Variants in EXPH5 observed in about 807,000 individuals in gnomAD.
EXPH5 encodes the protein exophilin 5.
Under a neutral mutation model 41.1 loss-of-function variants are expected in EXPH5, and 42 were observed. The ratio of observed to expected loss-of-function variants is 1.02; its 90% CI spans 0.80 to 1.32. The LOEUF is 1.32. Ranked by LOEUF, EXPH5 falls within the 40% of genes most tolerant of loss-of-function variation. The pLI is 0.00. For missense variants in EXPH5, 2,298 were observed against 2,314.5 expected, an observed-to-expected ratio of 0.99 and a Z score of 0.15; for synonymous variants, 798 against 833.5, an observed-to-expected ratio of 0.96 and a Z score of 0.73.
rs1449508219 is a variant in EXPH5 at position 108,510,032 on chromosome 11, A to G, written c.5475T>C (p.Ser1825=). The change falls in exon 6 of 6, where the codon TCT becomes TCC. Residue 1825 remains serine, a synonymous_variant. Coordinates refer to ENST00000265843, the MANE Select transcript of EXPH5 (RefSeq NM_015065.3). ...TCAGTCGACTCAGGGCATTGTCAAT[A>G]GAAGTGCTTTCAGAAAAATGGCGCT... ...VRERHFSEST[S]IDNALSRLTL... 6.2e-7 allele frequency: 1 copy of G among 1,613,030 alleles called. No homozygotes were observed. Among genetic ancestry groups the G allele is most frequent in the Non-Finnish European group, 8.5e-7 (1 of 1,179,602 alleles).
chr11:108,508,201 CAA>C lies in EXPH5; in HGVS notation c.*1334_*1335del, dbSNP rs1436308043. The C allele has an allele frequency of 6.6e-6, 1 of 151,454 alleles. No individual in the cohort carries two copies. The highest frequency in any genetic ancestry group is 1.5e-5 in the Non-Finnish European group (1 of 68,248). The allele number at this position is 151,454 out of a possible 1,614,324, so 9.4% of individuals were successfully genotyped here. ...CCTCAAAACAAAAACAAAAACAAAACAAAACAAAAAAAGACTGGGCATGGTAG... is the reference window on the plus strand; with the variant it reads ...CCTCAAAACAAAAACAAAAACAAAACAACAAAAAAAGACTGGGCATGGTAG... On this transcript the variant is annotated 3_prime_UTR_variant, in exon 6 of 6. Transcript: ENST00000265843.
At chr11:108,569,986 C>T (rs1403325229) in intron 1 of EXPH5, among the ~76,000 whole-genome samples, 27 of 152,210 alleles carry the variant, frequency 1.8e-4, no homozygotes, top group Non-Finnish European at 4.4e-5. Flanking sequence ...AATTGCAGTG[C>T]TACTCCCAAT....
intron 1 of EXPH5, among the ~76,000 whole-genome samples, chr11:108,574,865 T>A (rs2094074659): frequency 6.6e-6 from 1 of 152,222 alleles, no homozygotes; most frequent in African/African-American, 2.4e-5. Context: ...CACTATTTCC[T>A]TTTTCTTTCT....
Position 108,541,488 on chromosome 11 carries a change from CT to C in EXPH5, c.280+163del, listed in dbSNP as rs547897353. Among the ~76,000 whole-genome samples, 624 of 148,492 alleles carry C rather than the reference CT, an allele frequency of 4.2e-3. 2 individuals are homozygous for C. Among genetic ancestry groups the C allele is most frequent in the African/African-American group, 0.012 (490 of 40,084 alleles). ...ATTATTACAGTAAAATTTCAGTTCA[CT>C]TTTTTTTTTTAGTGTATATTGTATT... On this transcript the variant is annotated intron_variant, in intron 2 of 5. Coordinates refer to ENST00000265843, the MANE Select transcript of EXPH5 (RefSeq NM_015065.3).
In EXPH5 at chr11:108,563,997, C is replaced by T. The variant is rs552496735; in HGVS notation, c.120-22185G>A. ...TGGCATTTAAAGGGATAGTAGGAGACGGCTGCACACGGTGGCTCATGCCTG... is the reference window on the plus strand; with the variant it reads ...TGGCATTTAAAGGGATAGTAGGAGATGGCTGCACACGGTGGCTCATGCCTG... On this transcript the variant is annotated intron_variant, in intron 1 of 5. Transcript: ENST00000265843. Among the ~76,000 whole-genome samples, 28 of 152,140 alleles carry T rather than the reference C, an allele frequency of 1.8e-4. No homozygotes were observed. The East Asian group carries it at 2.1e-3, about 12-fold the overall frequency.
chr11:108,553,931 A>G (rs2136063918), intron 1 of EXPH5, among the ~76,000 whole-genome samples: 1 of 152,322 alleles, frequency 6.6e-6, no homozygotes, highest in East Asian at 1.9e-4. Flanking sequence ...CGTTACACGT[A>G]TTAACTAATT....
intron 1 of EXPH5, among the ~76,000 whole-genome samples, chr11:108,553,481 G>C (rs945663990): frequency 6.6e-6 from 1 of 152,126 alleles, no homozygotes. Flanking sequence ...GAGCTCTTCT[G>C]TTTTCCTAGG....
At chr11:108,518,455 A>T (rs748793917) in intron 4 of EXPH5, 82 bp from the exon 5 acceptor site, 7 of 1,262,682 alleles carry the variant, frequency 5.5e-6, no homozygotes, top group Non-Finnish European at 7.8e-6. Flanking sequence ...AAACTGTCCC[A>T]AGCTTAAAAG....
intron 1 of EXPH5, among the ~76,000 whole-genome samples, chr11:108,578,022 T>C (rs12785479): frequency 0.11 from 16,283 of 152,258 alleles, 1,215 homozygotes; most frequent in African/African-American, 0.2. Context: ...TTCTTTGCTG[T>C]GGAGAAGCTT....
intron 1 of EXPH5, among the ~76,000 whole-genome samples, chr11:108,566,127 A>G (rs2846407): frequency 0.72 from 110,232 of 152,224 alleles, 41,659 homozygotes; most frequent in Non-Finnish European, 0.83. Context: ...ATATTAATAG[A>G]AAATCAAGAT....
At chr11:108,551,986 C>A (rs1283720581) in intron 1 of EXPH5, 1 of 152,100 alleles carries the variant, frequency 6.6e-6, no homozygotes, top group East Asian at 1.9e-4. Context: ...CAAGCAAGAG[C>A]CTTTTCCAAA....
chr11:108,533,376 C>G (rs2093856579), intron 3 of EXPH5, among the ~76,000 whole-genome samples: 1 of 151,880 alleles, frequency 6.6e-6, no homozygotes, highest in East Asian at 1.9e-4. Flanking sequence ...GCTAATTTTT[C>G]TAATTTTTAG....
chr11:108,512,325 G>A lies in EXPH5; in HGVS notation c.3182C>T (p.Ala1061Val). The change falls in exon 6 of 6, where the codon GCA becomes GTA. Residue 1061 changes from alanine (A) to valine (V), a missense_variant. By Grantham distance (64) the Ala-to-Val change is moderately conservative. Coordinates refer to ENST00000265843, the MANE Select transcript of EXPH5 (RefSeq NM_015065.3). Reference sequence around the variant, plus strand: ...TTTGTTTAACATATAGTTCCCCATTGCATCTTCCACATTATTTTTGATTTG... The same window carrying A: ...TTTGTTTAACATATAGTTCCCCATTACATCTTCCACATTATTTTTGATTTG... The part of the protein sequence containing the change: ...PFQIKNNVED[A>V]MGNYMLNKFS... 1 of 1,613,086 alleles carries A rather than the reference G, an allele frequency of 6.2e-7. No homozygotes were observed. Among genetic ancestry groups the A allele is most frequent in the Middle Eastern group, 1.7e-4 (1 of 6,050 alleles).
chr11:108,582,308 C>T (rs1029470459), intron 1 of EXPH5, among the ~76,000 whole-genome samples: 13 of 151,644 alleles, frequency 8.6e-5, no homozygotes, highest in Non-Finnish European at 1.5e-4. Context: ...ACTAAAAATA[C>T]AAAAAAGTTA....
intron 1 of EXPH5, among the ~76,000 whole-genome samples, chr11:108,561,780 G>A (rs1217262648): frequency 6.6e-6 from 1 of 152,224 alleles, no homozygotes; most frequent in African/African-American, 2.4e-5. Context: ...CACATAGCGA[G>A]AAGGTATTGA....
Position 108,514,522 on chromosome 11 carries a change from A to T in EXPH5, c.985T>A (p.Ser329Thr). The change falls in exon 6 of 6, where the codon TCG becomes ACG. Residue 329 changes from serine to threonine, a missense_variant. Transcript: ENST00000265843. ...TSLCFDSRQR[S>T]ALPATGHFTA... ...AAATGCCCTGTGGCTGGTAAGGCCG[A>T]CCGTTGCCTGCTGTCAAAACACAGC... 1 of 1,612,854 alleles carries T rather than the reference A, an allele frequency of 6.2e-7. No homozygotes were observed. The highest frequency in any genetic ancestry group is 8.5e-7 in the Non-Finnish European group (1 of 1,179,462).
At position 108,510,816 on chromosome 11, in the gene EXPH5, C is replaced by G. The variant is rs1280029971; in HGVS notation, c.4691G>C (p.Trp1564Ser). Residue 1564 changes from tryptophan to serine, a missense_variant, in exon 6 of 6, where the codon TGG (tryptophan) becomes TCG (serine). Transcript: ENST00000265843. ...TCCTTCAGGAAGTGAAGGTTGATCC[C>G]AAGCTGACTTCTGCATTTCATCTTC... ...KAEDEMQKSA[W>S]DQPSLPEGNK... 1.2e-6 allele frequency: 2 copies of G among 1,614,000 alleles called. No individual in the cohort carries two copies. Among genetic ancestry groups the G allele is most frequent in the South Asian group, 2.2e-5 (2 of 91,068 alleles).
At chr11:108,578,545 G>A (rs1304872188) in intron 1 of EXPH5, among the ~76,000 whole-genome samples, 2 of 151,990 alleles carry the variant, frequency 1.3e-5, no homozygotes, top group Non-Finnish European at 2.9e-5. Context: ...CTTCATTTTA[G>A]GTTGTTTTTC....
In EXPH5 at chr11:108,511,008, AG is replaced by A; in HGVS notation, c.4498del (p.Leu1500PhefsTer31). The A allele has an allele frequency of 6.8e-6, 11 of 1,614,192 alleles. No individual in the cohort carries two copies. Among genetic ancestry groups the A allele is most frequent in the Non-Finnish European group, 9.3e-6 (11 of 1,180,028 alleles). On this transcript the variant is annotated frameshift_variant, in exon 6 of 6. Transcript: ENST00000265843. LOFTEE classifies it low-confidence loss of function (END_TRUNC). ...AAAGACTTGACTCTCTGAGTGAGAA[AG>A]TGTTTTATTAGTCATTTTTTGGCAG... ...TNCQKMTNKT[L>X]SHSESQVFAL...
Sources: gnomAD v4.1 joint callset for allele counts (sites outside exome capture counted in the v4.1 genomes callset) on GRCh38, gnomAD v4.1.1 for gene constraint, MANE v1.5 for transcripts, NCBI Gene and HGNC (gene_info 2026-07-23, HGNC 2026-07-21) for gene names.